The following PAM variants were observed in gnomAD, a reference collection of about 807,000 sequenced individuals.
The protein encoded by PAM is peptidyl-glycine alpha-amidating monooxygenase.
In PAM, 72 loss-of-function variants were observed where a neutral mutation model predicts 122.1. The observed-to-expected ratio is 0.59, with a 90% CI of 0.49 to 0.72. The LOEUF is 0.72. Among genes scored for constraint, PAM ranks in the 30% least tolerant of loss-of-function variants. PAM has a pLI of 0.00. For missense variants in PAM, 1,106 were observed against 1,183.7 expected (o/e 0.93, Z 0.96); for synonymous variants, 389 against 404.4 (o/e 0.96, Z 0.46).
At chr5:102,894,469 G>A (rs955756850) in intron 3 of PAM, among the ~76,000 whole-genome samples, 1 of 151,536 alleles carries the variant, frequency 6.6e-6, no homozygotes, top group African/African-American at 2.4e-5. Flanking sequence ...GCTGTTACTT[G>A]GCCAGCCAGT....
rs1487462673 is a variant in PAM, at chr5:102,946,820, T to C, written c.527-17T>C. On this transcript the variant is annotated splice_polypyrimidine_tract_variant and intron_variant, in intron 7 of 25. Coordinates refer to ENST00000438793, the MANE Select transcript of PAM (RefSeq NM_001177306.2). ...CATTATCATATTTAAGATATGTGTT[T>C]CTATGTGTGTTTTCAGATAATAACA... The C allele has an allele frequency of 3.3e-6, 5 of 1,515,032 alleles. No homozygotes were observed. The highest frequency in any genetic ancestry group is 4.6e-6 in the Non-Finnish European group (5 of 1,092,110). 93.8% of individuals were successfully genotyped at this position (1,515,032 alleles called of 1,614,324 possible). A position where few individuals can be genotyped will look rare whatever the true frequency, so the allele number is the denominator to read the frequency against.
chr5:102,932,298 GC>G (rs1392378813), intron 7 of PAM, among the ~76,000 whole-genome samples: 1 of 152,102 alleles, frequency 6.6e-6, no homozygotes, highest in African/African-American at 2.4e-5. Context: ...GACCAGCCTG[GC>G]CAACATGGTG....
chr5:102,903,076 G>A (rs957234510), intron 4 of PAM, among the ~76,000 whole-genome samples: 1 of 151,570 alleles, frequency 6.6e-6, no homozygotes, highest in African/African-American at 2.4e-5. Flanking sequence ...TAGAACCAGA[G>A]TGCTAAATGT....
At chr5:103,017,602 C>T (rs754329167) in intron 22 of PAM, among the ~76,000 whole-genome samples, 169 bp downstream of exon 22, 10 of 152,124 alleles carry the variant, frequency 6.6e-5, no homozygotes, top group East Asian at 1.9e-4. Context: ...TGGAAAGAAA[C>T]GATTTTTTTG....
chr5:102,806,286 G>A (rs1364155189), intron 1 of PAM, among the ~76,000 whole-genome samples: 1 of 152,180 alleles, frequency 6.6e-6, no homozygotes, highest in African/African-American at 2.4e-5. Context: ...CACTGAAGCT[G>A]TCATTGGCCT....
At chr5:102,887,521 G>A (rs1340345460) in intron 3 of PAM, among the ~76,000 whole-genome samples, 2 of 151,932 alleles carry the variant, frequency 1.3e-5, no homozygotes, top group Non-Finnish European at 2.9e-5. Flanking sequence ...GTGTTCTTCA[G>A]TCAAAGCACA....
intron 16 of PAM, among the ~76,000 whole-genome samples, chr5:102,991,543 T>A (rs1774077667): frequency 6.6e-6 from 1 of 152,162 alleles, no homozygotes; most frequent in African/African-American, 2.4e-5. Context: ...GTTGATTAAA[T>A]TTATGTTAAA....
In PAM at chr5:103,028,903, C is replaced by A; in HGVS notation, c.2760C>A (p.Gly920=). ...LGRFRGKGSG[G]LNLGNFFASR... is the part of the protein sequence containing the mutation. ...TTTTTTCAGGAAAGGGAAGTGGAGG[C>A]TTAAACCTTGGTAATTTCTTTGCAA... is the stretch of plus-strand genomic sequence containing the variant. Residue 920 remains glycine, a synonymous_variant, in exon 26 of 26, where the codon GGC becomes GGA. Transcript: ENST00000438793. 1 of 1,610,330 alleles carries A rather than the reference C, an allele frequency of 6.2e-7. No homozygotes were observed. The highest frequency in any genetic ancestry group is 2.2e-5 in the East Asian group (1 of 44,752).
At chr5:102,918,385 T>G (rs1338692345) in intron 5 of PAM, among the ~76,000 whole-genome samples, 1 of 152,160 alleles carries the variant, frequency 6.6e-6, no homozygotes, top group Non-Finnish European at 1.5e-5. Context: ...ATTAGCTGAA[T>G]ATGAGCCTAA....
At chr5:102,965,903 A>G (rs948645668) in intron 14 of PAM, among the ~76,000 whole-genome samples, 7 of 152,042 alleles carry the variant, frequency 4.6e-5, no homozygotes, top group Non-Finnish European at 8.8e-5. Context: ...CCAGTTAAAA[A>G]CACAATAGTC....
At chr5:102,902,376 CA>C (rs1302098378) in intron 4 of PAM, among the ~76,000 whole-genome samples, 1 of 151,538 alleles carries the variant, frequency 6.6e-6, no homozygotes, top group Admixed American at 6.6e-5. Context: ...GCAATTACAA[CA>C]GCAAATACAA....
chr5:102,782,717 C>CTGTGTG (rs1222031698), intron 1 of PAM, among the ~76,000 whole-genome samples: 1 of 146,874 alleles, frequency 6.8e-6, no homozygotes, highest in African/African-American at 2.6e-5. Flanking sequence ...CTCTCTCTCT[C>CTGTGTG]TCTCTCTCTG....
intron 1 of PAM, among the ~76,000 whole-genome samples, chr5:102,755,781 G>C (rs1750073775): frequency 6.6e-6 from 1 of 152,092 alleles, no homozygotes; most frequent in East Asian, 2.0e-4. Context: ...TTCTCCGCCC[G>C]CCCTTCAGTC....
chr5:102,995,235 G>A (rs1169298816), intron 16 of PAM, among the ~76,000 whole-genome samples: 1 of 152,032 alleles, frequency 6.6e-6, no homozygotes, highest in Non-Finnish European at 1.5e-5. Flanking sequence ...CATGTCTGAG[G>A]GAAAACTATA....
chr5:102,862,570 C>T (rs1784469561), intron 1 of PAM, among the ~76,000 whole-genome samples: 1 of 152,108 alleles, frequency 6.6e-6, no homozygotes, highest in Non-Finnish European at 1.5e-5. Context: ...TTTCTCTCCC[C>T]CAGAAAGTAA....
chr5:103,006,217 T>C (rs774915521), intron 18 of PAM, among the ~76,000 whole-genome samples: 5 of 152,148 alleles, frequency 3.3e-5, no homozygotes, highest in Non-Finnish European at 5.9e-5. Context: ...AATTAACAGG[T>C]GTGGCCATCG....
At chr5:102,921,521 C>T (rs1747454724) in intron 5 of PAM, among the ~76,000 whole-genome samples, 1 of 152,054 alleles carries the variant, frequency 6.6e-6, no homozygotes, top group South Asian at 2.1e-4. Flanking sequence ...GGATTAGTTC[C>T]AATGCCCCAG....
rs1015691528 is a variant in PAM at position 102,916,842 on chromosome 5, C to G, written c.356+2821C>G. 5.3e-5 allele frequency among the ~76,000 whole-genome samples: 8 copies of G among 151,418 alleles called. No homozygotes were observed. The East Asian group carries it at 1.2e-3, about 22-fold the overall frequency. On this transcript the variant is annotated intron_variant, in intron 5 of 25. Coordinates refer to ENST00000438793, the MANE Select transcript of PAM (RefSeq NM_001177306.2). Reference sequence around the variant, plus strand: ...CCACCTCCTGGGTTCAAGCAATTCTCCTGCCTCAGCCTCCTCAGTAGTTGG... The same window carrying G: ...CCACCTCCTGGGTTCAAGCAATTCTGCTGCCTCAGCCTCCTCAGTAGTTGG...
chr5:103,030,770 T>C (rs375769229), downstream of PAM: 4 of 152,210 alleles, frequency 2.6e-5, no homozygotes, highest in East Asian at 5.8e-4. Flanking sequence ...AAAAAATTGT[T>C]GGGCACTCAC....
Sources: allele counts gnomAD v4.1 joint callset (sites outside exome capture counted in the v4.1 genomes callset), GRCh38; gene constraint gnomAD v4.1.1; transcripts MANE v1.5; gene names NCBI Gene and HGNC (gene_info 2026-07-23, HGNC 2026-07-21).